ZNF778: variants seen among roughly 807,000 people sequenced by gnomAD.
ZNF778 encodes the protein zinc finger protein 778.
ZNF778 carries 37 observed loss-of-function variants against 23.9 expected under a neutral mutation model. The ratio of observed to expected loss-of-function variants is 1.54; its 90% CI spans 1.19 to 2.03. The LOEUF is 2.03. Ranked by LOEUF, ZNF778 falls within the 30% of genes most tolerant of loss-of-function variation. ZNF778 has a pLI of 0.00. For synonymous variants in ZNF778, 483 were observed against 343.9 expected (o/e 1.40, Z -4.48); for missense variants, 1,297 against 934.4 (o/e 1.39, Z -5.06).
chr16:89,223,027 G>A, intron 3 of ZNF778, 130 bp from the exon 4 acceptor site: 1 of 1,131,372 alleles, frequency 8.8e-7, no homozygotes, highest in Non-Finnish European at 1.2e-6. Flanking sequence ...GGGTTCCTGG[G>A]ACCACTGGGC....
Position 89,235,391 on chromosome 16 carries a change from A to G in ZNF778, c.*6829A>G, listed in dbSNP as rs2151643316. 1 of 152,340 alleles carries G rather than the reference A, an allele frequency of 6.6e-6. No individual in the cohort carries two copies. Among genetic ancestry groups the G allele is most frequent in the Middle Eastern group, 3.4e-3 (1 of 294 alleles). 9.4% of individuals were successfully genotyped at this position (152,340 alleles called of 1,614,324 possible). A position where few individuals can be genotyped will look rare whatever the true frequency, so the allele number is the denominator to read the frequency against. The stretch of plus-strand genomic sequence containing the variant: ...CAGGCAGTCCTGCAGCAGCAAACAC[A>G]TCATCAGCCTTAGGAGCTGGCCTGT... On this transcript the variant is annotated 3_prime_UTR_variant, in exon 7 of 7. Transcript: ENST00000433976.
rs1373905194 is a variant in ZNF778, at chr16:89,221,002, A to T, written c.-126A>T. 1 of 984,594 alleles carries T rather than the reference A, an allele frequency of 1.0e-6. No individual in the cohort carries two copies. The highest frequency in any genetic ancestry group is 2.3e-5 in the Admixed American group (1 of 43,208). 61.0% of individuals were successfully genotyped at this position (984,594 alleles called of 1,614,324 possible). On this transcript the variant is annotated 5_prime_UTR_variant, in exon 2 of 7. Transcript: ENST00000433976. ...TTCTTCATCATGATTGCTAGGAAAT[A>T]GGGATCCAGCCATCCGTGGGTCAGG... is the stretch of plus-strand genomic sequence containing the variant.
chr16:89,226,360 C>T lies in ZNF778; in HGVS notation c.406-334C>T, dbSNP rs1212679862. 1.3e-5 allele frequency among the ~76,000 whole-genome samples: 2 copies of T among 152,140 alleles called. 1 individual carries two copies. Among genetic ancestry groups the T allele is most frequent in the East Asian group, 3.9e-4 (2 of 5,188 alleles). ...AGCTGGGATTACAGGCATGCGCCAC[C>T]ATGCCCAGTTAATTTTGTATTTTTA... On this transcript the variant is annotated intron_variant, in intron 6 of 6. Coordinates refer to ENST00000433976, the MANE Select transcript of ZNF778 (RefSeq NM_001201407.2).
In ZNF778 at chr16:89,232,733, T is replaced by C; in HGVS notation, c.*4171T>C. ...TCTCAGGCTAGATCATTCCTAAAGA[T>C]GGTAAACAACTTGCTGGAAACATGC... On this transcript the variant is annotated 3_prime_UTR_variant, in exon 7 of 7. Transcript: ENST00000433976. The C allele has an allele frequency of 3.9e-6, 5 of 1,282,054 alleles. No homozygotes were observed. Among genetic ancestry groups the C allele is most frequent in the South Asian group, 3.7e-5 (3 of 80,150 alleles). 79.4% of individuals were successfully genotyped at this position (1,282,054 alleles called of 1,614,324 possible).
chr16:89,223,490 A>G (rs763904222), intron 4 of ZNF778, among the ~76,000 whole-genome samples: 8 of 152,146 alleles, frequency 5.3e-5, no homozygotes, highest in Non-Finnish European at 8.8e-5. Context: ...AGAAACATGC[A>G]TTCTGAGGCT....
Position 89,237,041 on chromosome 16 carries a change from C to G in ZNF778, c.*8479C>G, listed in dbSNP as rs1016976032. ...TCAGTCGAGATTGTGCCACGGCACT[C>G]CAGCCTGGGTGACAGAGCAAGACTC... On this transcript the variant is annotated 3_prime_UTR_variant, in exon 7 of 7. Coordinates refer to ENST00000433976, the MANE Select transcript of ZNF778 (RefSeq NM_001201407.2). 8 of 150,092 alleles carry G rather than the reference C, an allele frequency of 5.3e-5. No homozygotes were observed. Among genetic ancestry groups the G allele is most frequent in the African/African-American group, 2.0e-4 (8 of 40,594 alleles). 9.3% of individuals were successfully genotyped at this position (150,092 alleles called of 1,614,324 possible).
rs2031786059 is a variant in ZNF778, at chr16:89,229,438, G to A, written c.*876G>A. ...GAGCAGTGTAGGCTCTGGTTGGTTA[G>A]TCTTGAGGATGCAGATGTGATTCTG... On this transcript the variant is annotated 3_prime_UTR_variant, in exon 7 of 7. Coordinates refer to ENST00000433976, the MANE Select transcript of ZNF778 (RefSeq NM_001201407.2). 1 of 976,922 alleles carries A rather than the reference G, an allele frequency of 1.0e-6. No individual in the cohort carries two copies. The highest frequency in any genetic ancestry group is 4.8e-5 in the South Asian group (1 of 20,662). The allele number at this position is 976,922 out of a possible 1,614,324, so 60.5% of individuals were successfully genotyped here.
chr16:89,227,129 C>CACGT lies in ZNF778; in HGVS notation c.843_846dup (p.Cys283ArgfsTer3). 6 of 1,614,046 alleles carry CACGT rather than the reference C, an allele frequency of 3.7e-6. No homozygotes were observed. Among genetic ancestry groups the CACGT allele is most frequent in the Non-Finnish European group, 5.1e-6 (6 of 1,179,902 alleles). On this transcript the variant is annotated frameshift_variant, in exon 7 of 7. Transcript: ENST00000433976. LOFTEE classifies it low-confidence loss of function (END_TRUNC). ...TGAAATGCATGCCGTCAGGAATCCCCACGTATGTAGGGAATGTGGGAAGGC... is the reference window on the plus strand; with the variant it reads ...TGAAATGCATGCCGTCAGGAATCCCCACGTACGTATGTAGGGAATGTGGGAAGGC...
In ZNF778 at chr16:89,234,240, C is replaced by A. The variant is rs1235368617; in HGVS notation, c.*5678C>A. On this transcript the variant is annotated 3_prime_UTR_variant, in exon 7 of 7. Coordinates refer to ENST00000433976, the MANE Select transcript of ZNF778 (RefSeq NM_001201407.2). ...ATAGTCTCTCTACCTAAGCACATGT[C>A]TGTGACAAGGTCTTACCCAGCCCAG... The A allele has an allele frequency of 4.2e-5, 15 of 357,876 alleles. No individual in the cohort carries two copies. Among genetic ancestry groups the A allele is most frequent in the African/African-American group, 2.6e-4 (12 of 46,782 alleles). The allele number at this position is 357,876 out of a possible 1,614,324, so 22.2% of individuals were successfully genotyped here.
rs2031868683 is a variant in ZNF778, at chr16:89,230,571, G to C, written c.*2009G>C. On this transcript the variant is annotated 3_prime_UTR_variant, in exon 7 of 7. Coordinates refer to ENST00000433976, the MANE Select transcript of ZNF778 (RefSeq NM_001201407.2). The stretch of plus-strand genomic sequence containing the variant: ...TTGTGTACCATGAAAACAGACCAGG[G>C]ACACGGCTGGTCCTGATGTTCTGTG... The C allele has an allele frequency of 2.0e-5, 3 of 152,246 alleles. No individual in the cohort carries two copies. The highest frequency in any genetic ancestry group is 2.0e-4 in the Admixed American group (3 of 15,276). The allele number at this position is 152,246 out of a possible 1,614,324, so 9.4% of individuals were successfully genotyped here. A position where few individuals can be genotyped will look rare whatever the true frequency, so the allele number is the denominator to read the frequency against.
In ZNF778 at chr16:89,223,118, C is replaced by T. The variant is rs200993933; in HGVS notation, c.118-39C>T. ...TCATTCTTCAGTGAATACCGATGGA[C>T]ACGTTGGAAGGCTCCAACCGTCATG... On this transcript the variant is annotated intron_variant, in intron 3 of 6. Transcript: ENST00000433976. 7 of 1,598,874 alleles carry T rather than the reference C, an allele frequency of 4.4e-6. No individual in the cohort carries two copies. The East Asian group carries it at 1.3e-4, about 31-fold the overall frequency.
Position 89,222,190 on chromosome 16 carries a change from C to A in ZNF778, c.117+7C>A. The A allele has an allele frequency of 6.3e-7, 1 of 1,590,646 alleles. No individual in the cohort carries two copies. The highest frequency in any genetic ancestry group is 8.6e-7 in the Non-Finnish European group (1 of 1,165,928). On this transcript the variant is annotated splice_region_variant and intron_variant, in intron 3 of 6. Coordinates refer to ENST00000433976, the MANE Select transcript of ZNF778 (RefSeq NM_001201407.2). ...GCTGATAAATTGTTACCAGGTATGC[C>A]AAAACTGTATTTTTTCTTAAAATAA...
chr16:89,230,169 C>A lies in ZNF778; in HGVS notation c.*1607C>A. On this transcript the variant is annotated 3_prime_UTR_variant, in exon 7 of 7. Coordinates refer to ENST00000433976, the MANE Select transcript of ZNF778 (RefSeq NM_001201407.2). ...TACATTTTATGAAAATGCCCTTGTT[C>A]CTCTCCCATACCTGATCCCTTCAGA... The A allele has an allele frequency of 1.9e-6, 1 of 521,006 alleles. No individual in the cohort carries two copies. Among genetic ancestry groups the A allele is most frequent in the Non-Finnish European group, 2.5e-6 (1 of 406,694 alleles). 32.3% of individuals were successfully genotyped at this position (521,006 alleles called of 1,614,324 possible). A position where few individuals can be genotyped will look rare whatever the true frequency, so the allele number is the denominator to read the frequency against.
At chr16:89,219,148 C>T (rs545911938) in intron 1 of ZNF778, among the ~76,000 whole-genome samples, 1 of 152,214 alleles carries the variant, frequency 6.6e-6, no homozygotes, top group Admixed American at 6.5e-5. Flanking sequence ...AGGTCATCCA[C>T]TGTCTACTTT....
At position 89,226,694 on chromosome 16, in the gene ZNF778, G is replaced by T. The variant is rs1597358848; in HGVS notation, c.406G>T (p.Ala136Ser). Residue 136 changes from alanine (A) to serine (S), a missense_variant and splice_region_variant, in exon 7 of 7, where the codon GCA (alanine) becomes TCA (serine). Coordinates refer to ENST00000433976, the MANE Select transcript of ZNF778 (RefSeq NM_001201407.2). ...ACCACCACTCATTCTTCACCAACAGGCAAGAAGCCACAATGGAGGGCAGCT... is the reference window on the plus strand; with the variant it reads ...ACCACCACTCATTCTTCACCAACAGTCAAGAAGCCACAATGGAGGGCAGCT... ...WFRASNETQTARSHNGGQLCD... is the reference protein window; with the variant it reads ...WFRASNETQTSRSHNGGQLCD... The T allele has an allele frequency of 1.9e-6, 3 of 1,606,136 alleles. No individual in the cohort carries two copies. The African/African-American group carries it at 4.0e-5, about 21-fold the overall frequency.
At chr16:89,221,920 G>A (rs2030994025) in intron 2 of ZNF778, among the ~76,000 whole-genome samples, 172 bp from the exon 3 acceptor site, 7 of 151,924 alleles carry the variant, frequency 4.6e-5, no homozygotes, top group Admixed American at 4.6e-4. Context: ...TCCTGAGTGT[G>A]CAGGTGTATG....
chr16:89,232,552 T>C lies in ZNF778; in HGVS notation c.*3990T>C. 9.5e-7 allele frequency: 1 copy of C among 1,055,852 alleles called. No homozygotes were observed. The highest frequency in any genetic ancestry group is 1.7e-5 in the South Asian group (1 of 60,562). 65.4% of individuals were successfully genotyped at this position (1,055,852 alleles called of 1,614,324 possible). ...GTGTTCTGTGTCACTTAGGGCAACT[T>C]ATGCCCTCCTGTGTGAAAATCTCCA... is the stretch of plus-strand genomic sequence containing the variant. On this transcript the variant is annotated 3_prime_UTR_variant, in exon 7 of 7. Coordinates refer to ENST00000433976, the MANE Select transcript of ZNF778 (RefSeq NM_001201407.2).
intron 1 of ZNF778, among the ~76,000 whole-genome samples, chr16:89,219,668 G>C (rs973707406): frequency 6.6e-6 from 1 of 152,246 alleles, no homozygotes; most frequent in Admixed American, 6.5e-5. Context: ...CATGGACGCT[G>C]TGTCAGTGGG....
Position 89,228,319 on chromosome 16 carries a change from G to A in ZNF778, c.2031G>A (p.Glu677=), listed in dbSNP as rs1400608259. ...HTGEKPYICN[E]CGKAFRASSH... ...GAGAGAAACCTTACATATGTAACGA[G>A]TGTGGGAAAGCCTTCCGTGCCTCCT... The change falls in exon 7 of 7, where the codon GAG becomes GAA. Residue 677 remains glutamate (E), a synonymous_variant. Transcript: ENST00000433976. 3 of 1,613,694 alleles carry A rather than the reference G, an allele frequency of 1.9e-6. No homozygotes were observed. The East Asian group carries it at 6.7e-5, about 36-fold the overall frequency.
Sources: allele counts gnomAD v4.1 joint callset (sites outside exome capture counted in the v4.1 genomes callset), GRCh38; gene constraint gnomAD v4.1.1; transcripts MANE v1.5; gene names NCBI Gene and HGNC (gene_info 2026-07-23, HGNC 2026-07-21).